The following ZNRF4 variants were observed in gnomAD, a reference collection of about 807,000 sequenced individuals.
ZNRF4 encodes E3 ubiquitin-protein ligase ZNRF4.
For missense variants in ZNRF4, 569 were observed against 609.4 expected (o/e 0.93, Z 0.70); for synonymous variants, 291 against 285.9 (o/e 1.02, Z -0.18).
Position 5,456,287 on chromosome 19 carries a change from G to C in ZNRF4, c.796G>C (p.Val266Leu). 1 of 1,613,684 alleles carries C rather than the reference G, an allele frequency of 6.2e-7. No homozygotes were observed. The highest frequency in any genetic ancestry group is 8.5e-7 in the Non-Finnish European group (1 of 1,180,016). The part of the protein sequence containing the change: ...WVLGCTLALV[V>L]SAFFVLNHLW... The stretch of plus-strand genomic sequence containing the variant: ...GCTGGGCTGTACCCTGGCCCTGGTC[G>C]TATCAGCCTTCTTTGTCCTGAACCA... Residue 266 changes from valine to leucine, a missense_variant, in exon 1 of 1, where the codon GTA (valine) becomes CTA (leucine). Transcript: ENST00000222033.
chr19:5,456,806 C>T lies in ZNRF4; in HGVS notation c.*25C>T. 1 of 1,508,070 alleles carries T rather than the reference C, an allele frequency of 6.6e-7. No homozygotes were observed. The highest frequency in any genetic ancestry group is 8.9e-7 in the Non-Finnish European group (1 of 1,127,300). 93.4% of individuals were successfully genotyped at this position (1,508,070 alleles called of 1,614,324 possible). ...AAGATCTAGGGCAGGGAGGGGGGTG[C>T]AATGAGGAATGTTTCTGGTCTGAAA... On this transcript the variant is annotated 3_prime_UTR_variant, in exon 1 of 1. Transcript: ENST00000222033.
chr19:5,455,948 C>T lies in ZNRF4; in HGVS notation c.457C>T (p.Arg153Cys), dbSNP rs771662701. 6.9e-6 allele frequency: 11 copies of T among 1,600,778 alleles called. No homozygotes were observed. The highest frequency in any genetic ancestry group is 1.7e-4 in the Middle Eastern group (1 of 6,060). Residue 153 changes from arginine to cysteine, a missense_variant, in exon 1 of 1, where the codon CGC (arginine) becomes TGC (cysteine). Transcript: ENST00000222033. ...HPIEAPRLGN[R>C]SLGAIVLIRR... The stretch of plus-strand genomic sequence containing the variant: ...CATCGAGGCCCCGCGACTGGGCAAC[C>T]GCTCTCTGGGCGCCATCGTGCTGAT...
rs764433938 is a variant in ZNRF4, at chr19:5,456,094, G to C, written c.603G>C (p.Glu201Asp). ...DDLVSMTHVY[E>D]DLRGQIAIPS... is the part of the protein sequence containing the mutation. ...TCGTGAGCATGACCCACGTCTACGA[G>C]GACTTGAGGGGCCAGATCGCCATCC... The change falls in exon 1 of 1, where the codon GAG (glutamate) becomes GAC (aspartate). Residue 201 changes from glutamate (E) to aspartate (D), a missense_variant. Physicochemically the swap from Glu to Asp is conservative, Grantham distance 45. Coordinates refer to ENST00000222033, the MANE Select transcript of ZNRF4 (RefSeq NM_181710.4). 2 of 1,606,506 alleles carry C rather than the reference G, an allele frequency of 1.2e-6. No homozygotes were observed. Among genetic ancestry groups the C allele is most frequent in the Non-Finnish European group, 1.7e-6 (2 of 1,179,884 alleles).
Position 5,455,797 on chromosome 19 carries a change from C to T in ZNRF4, c.306C>T (p.Ala102=), listed in dbSNP as rs751309761. 12 of 1,603,902 alleles carry T rather than the reference C, an allele frequency of 7.5e-6. No individual in the cohort carries two copies. Among genetic ancestry groups the T allele is most frequent in the African/African-American group, 5.3e-5 (4 of 74,940 alleles). Residue 102 remains alanine (A), a synonymous_variant, in exon 1 of 1, where the codon GCC becomes GCT. Transcript: ENST00000222033. ...TGCCCGCGCAGGCAGTGGTACGGGC[C>T]GTGCTGGAAGACAACTCGAGCTCGG... ...LQVPAQAVVR[A]VLEDNSSSVD...
Position 5,455,448 on chromosome 19 carries a change from C to A in ZNRF4, c.-44C>A, listed in dbSNP as rs764878991. On this transcript the variant is annotated 5_prime_UTR_variant, in exon 1 of 1. Coordinates refer to ENST00000222033, the MANE Select transcript of ZNRF4 (RefSeq NM_181710.4). ...TCCATGTCATCTGCCAGAAAGGCCA[C>A]CTGCGCCAGCACCTCCTGAGACCGG... is the stretch of plus-strand genomic sequence containing the variant. The A allele has an allele frequency of 6.5e-7, 1 of 1,541,746 alleles. No individual in the cohort carries two copies. Among genetic ancestry groups the A allele is most frequent in the African/African-American group, 1.4e-5 (1 of 73,298 alleles).
In ZNRF4 at chr19:5,456,532, C is replaced by T; in HGVS notation, c.1041C>T (p.Ser347=). 1 of 1,614,184 alleles carries T rather than the reference C, an allele frequency of 6.2e-7. No individual in the cohort carries two copies. Among genetic ancestry groups the T allele is most frequent in the Non-Finnish European group, 8.5e-7 (1 of 1,180,042 alleles). The change falls in exon 1 of 1, where the codon TCC becomes TCT. Residue 347 remains serine, a synonymous_variant. Coordinates refer to ENST00000222033, the MANE Select transcript of ZNRF4 (RefSeq NM_181710.4). The part of the protein sequence containing the change: ...DPWFSQAPRR[S]CPVCKQSVAA... ...GGTTCTCCCAAGCCCCCCGGCGCTCCTGCCCCGTGTGCAAACAGTCGGTGG... is the reference window on the plus strand; with the variant it reads ...GGTTCTCCCAAGCCCCCCGGCGCTCTTGCCCCGTGTGCAAACAGTCGGTGG...
chr19:5,455,583 C>T lies in ZNRF4; in HGVS notation c.92C>T (p.Thr31Ile). Residue 31 changes from threonine to isoleucine, a missense_variant, in exon 1 of 1, where the codon ACT (threonine) becomes ATT (isoleucine). Physicochemically the swap from Thr to Ile is moderately conservative, Grantham distance 89. Transcript: ENST00000222033. ...CCTCTGAGCCACGCGGTCATTCCAA[C>T]TCAACTGCCCTCGCGTCCTGGCCAC... ...SLPLSHAVIP[T>I]QLPSRPGHRP... 2 of 1,612,388 alleles carry T rather than the reference C, an allele frequency of 1.2e-6. No homozygotes were observed. Among genetic ancestry groups the T allele is most frequent in the African/African-American group, 1.3e-5 (1 of 75,070 alleles).
In ZNRF4 at chr19:5,456,271, T is replaced by G. The variant is rs982745518; in HGVS notation, c.780T>G (p.Cys260Trp). 6.2e-7 allele frequency: 1 copy of G among 1,613,426 alleles called. No individual in the cohort carries two copies. The highest frequency in any genetic ancestry group is 8.5e-7 in the Non-Finnish European group (1 of 1,180,032). ...TGACCGTGTCCTGGGTGCTGGGCTG[T>G]ACCCTGGCCCTGGTCGTATCAGCCT... Reference protein sequence around the residue: ...PVLTVSWVLGCTLALVVSAFF... With the variant: ...PVLTVSWVLGWTLALVVSAFF... The change falls in exon 1 of 1, where the codon TGT becomes TGG. Residue 260 changes from cysteine to tryptophan, a missense_variant. Coordinates refer to ENST00000222033, the MANE Select transcript of ZNRF4 (RefSeq NM_181710.4).
chr19:5,456,605 G>C lies in ZNRF4; in HGVS notation c.1114G>C (p.Glu372Gln). 1 of 1,613,424 alleles carries C rather than the reference G, an allele frequency of 6.2e-7. No homozygotes were observed. Among genetic ancestry groups the C allele is most frequent in the South Asian group, 1.1e-5 (1 of 91,054 alleles). ...CTCCACCACCTACAGCTTCAGGGACGAGGACCCCTCCCTACCGGGCCACCG... is the reference window on the plus strand; with the variant it reads ...CTCCACCACCTACAGCTTCAGGGACCAGGACCCCTCCCTACCGGGCCACCG... ...FDSTTYSFRD[E>Q]DPSLPGHRPP... is the part of the protein sequence containing the mutation. Residue 372 changes from glutamate (E) to glutamine (Q), a missense_variant, in exon 1 of 1, where the codon GAG (glutamate) becomes CAG (glutamine). Physicochemically the swap from Glu to Gln is conservative, Grantham distance 29. Transcript: ENST00000222033.
In ZNRF4 at chr19:5,456,211, C is replaced by T; in HGVS notation, c.720C>T (p.Asp240=). The change falls in exon 1 of 1, where the codon GAC becomes GAT. Residue 240 remains aspartate (D), a synonymous_variant. Transcript: ENST00000222033. ...KSAHALLLPD[D]PPCHDLGCHP... ...CCCACGCGCTGCTCCTGCCCGACGACCCACCGTGCCACGACCTGGGCTGTC... is the reference window on the plus strand; with the variant it reads ...CCCACGCGCTGCTCCTGCCCGACGATCCACCGTGCCACGACCTGGGCTGTC... 6.2e-7 allele frequency: 1 copy of T among 1,610,928 alleles called. No individual in the cohort carries two copies.
At position 5,455,953 on chromosome 19, in the gene ZNRF4, T is replaced by C. The variant is rs1356806265; in HGVS notation, c.462T>C (p.Ser154=). ...PIEAPRLGNR[S]LGAIVLIRRY... The stretch of plus-strand genomic sequence containing the variant: ...AGGCCCCGCGACTGGGCAACCGCTC[T>C]CTGGGCGCCATCGTGCTGATCCGCC... The change falls in exon 1 of 1, where the codon TCT becomes TCC. Residue 154 remains serine (S), a synonymous_variant. Coordinates refer to ENST00000222033, the MANE Select transcript of ZNRF4 (RefSeq NM_181710.4). The C allele has an allele frequency of 2.5e-6, 4 of 1,600,802 alleles. No individual in the cohort carries two copies. The highest frequency in any genetic ancestry group is 1.1e-5 in the South Asian group (1 of 91,060).
rs1217695847 is a variant in ZNRF4 at position 5,456,305 on chromosome 19, C to G, written c.814C>G (p.Leu272Val). Residue 272 changes from leucine (L) to valine (V), a missense_variant, in exon 1 of 1, where the codon CTG (leucine) becomes GTG (valine). By Grantham distance (32) the Leu-to-Val change is conservative (BLOSUM62 1). Transcript: ENST00000222033. The part of the protein sequence containing the change: ...LALVVSAFFV[L>V]NHLWLWAQAC... Reference sequence around the variant, plus strand: ...CCTGGTCGTATCAGCCTTCTTTGTCCTGAACCACCTGTGGCTCTGGGCCCA... The same window carrying G: ...CCTGGTCGTATCAGCCTTCTTTGTCGTGAACCACCTGTGGCTCTGGGCCCA... The G allele has an allele frequency of 6.2e-7, 1 of 1,613,848 alleles. No individual in the cohort carries two copies. The highest frequency in any genetic ancestry group is 1.1e-5 in the South Asian group (1 of 91,088).
rs1449926530 is a variant in ZNRF4, at chr19:5,455,770, G to A, written c.279G>A (p.Gln93=). Residue 93 remains glutamine, a synonymous_variant, in exon 1 of 1, where the codon CAG becomes CAA. Coordinates refer to ENST00000222033, the MANE Select transcript of ZNRF4 (RefSeq NM_181710.4). ...VKALLVLSLL[Q]VPAQAVVRAV... ...CCTTGCTGGTCTTGTCGCTGCTCCA[G>A]GTGCCCGCGCAGGCAGTGGTACGGG... 5 of 1,604,436 alleles carry A rather than the reference G, an allele frequency of 3.1e-6. No homozygotes were observed. In the East Asian group the frequency reaches 1.1e-4, roughly 36 times the overall value.
At position 5,456,366 on chromosome 19, in the gene ZNRF4, C is replaced by G; in HGVS notation, c.875C>G (p.Ser292Cys). 1 of 1,613,500 alleles carries G rather than the reference C, an allele frequency of 6.2e-7. No individual in the cohort carries two copies. The highest frequency in any genetic ancestry group is 1.3e-5 in the African/African-American group (1 of 75,062). Reference protein sequence around the residue: ...CCSHRRPVKTSTCQKAQVRTF... With the variant: ...CCSHRRPVKTCTCQKAQVRTF... ...AGCCACAGACGGCCGGTGAAGACGT[C>G]TACCTGCCAGAAGGCCCAGGTCCGC... is the stretch of plus-strand genomic sequence containing the variant. Residue 292 changes from serine (S) to cysteine (C), a missense_variant, in exon 1 of 1, where the codon TCT (serine) becomes TGT (cysteine). By Grantham distance (112) the Ser-to-Cys change is moderately radical. Coordinates refer to ENST00000222033, the MANE Select transcript of ZNRF4 (RefSeq NM_181710.4).
In ZNRF4 at chr19:5,455,623, A is replaced by C; in HGVS notation, c.132A>C (p.Arg44Ser). Residue 44 changes from arginine (R) to serine (S), a missense_variant, in exon 1 of 1, where the codon AGA (arginine) becomes AGC (serine). Transcript: ENST00000222033. ...GTCCTGGCCACAGGCCCCCTGGGAG[A>C]CCCCGGAGATGCCCAAAGGCCTCAT... ...PSRPGHRPPGRPRRCPKASCL... is the reference protein window; with the variant it reads ...PSRPGHRPPGSPRRCPKASCL... 8 of 1,610,878 alleles carry C rather than the reference A, an allele frequency of 5.0e-6. No homozygotes were observed. The highest frequency in any genetic ancestry group is 6.8e-6 in the Non-Finnish European group (8 of 1,179,966).
At position 5,455,612 on chromosome 19, in the gene ZNRF4, C is replaced by T. The variant is rs374327743; in HGVS notation, c.121C>T (p.Pro41Ser). ...ACTGCCCTCGCGTCCTGGCCACAGG[C>T]CCCCTGGGAGACCCCGGAGATGCCC... Reference protein sequence around the residue: ...TQLPSRPGHRPPGRPRRCPKA... With the variant: ...TQLPSRPGHRSPGRPRRCPKA... Residue 41 changes from proline to serine, a missense_variant, in exon 1 of 1, where the codon CCC becomes TCC. Transcript: ENST00000222033. The T allele has an allele frequency of 1.0e-4, 165 of 1,611,074 alleles. No homozygotes were observed. Among genetic ancestry groups the T allele is most frequent in the Non-Finnish European group, 1.3e-4 (157 of 1,179,896 alleles).
chr19:5,455,864 G>T lies in ZNRF4; in HGVS notation c.373G>T (p.Ala125Ser). ...GCCGGCGCTGTTCGGCGTCCCCCTG[G>T]CCCCCGAGGGCATACGGGGCTACCT... ...DLPALFGVPLAPEGIRGYLME... is the reference protein window; with the variant it reads ...DLPALFGVPLSPEGIRGYLME... Residue 125 changes from alanine (A) to serine (S), a missense_variant, in exon 1 of 1, where the codon GCC becomes TCC. Physicochemically the swap from Ala to Ser is moderately conservative, Grantham distance 99. Transcript: ENST00000222033. 1 of 1,603,582 alleles carries T rather than the reference G, an allele frequency of 6.2e-7. No homozygotes were observed.
At position 5,455,769 on chromosome 19, in the gene ZNRF4, AG is replaced by A; in HGVS notation, c.280del (p.Val94CysfsTer40). 1 of 1,604,508 alleles carries A rather than the reference AG, an allele frequency of 6.2e-7. No homozygotes were observed. The highest frequency in any genetic ancestry group is 8.5e-7 in the Non-Finnish European group (1 of 1,179,856). On this transcript the variant is annotated frameshift_variant, in exon 1 of 1. Transcript: ENST00000222033. LOFTEE classifies it low-confidence loss of function (END_TRUNC). ...VKALLVLSLL[Q>X]VPAQAVVRAV... Reference sequence around the variant, plus strand: ...GCCTTGCTGGTCTTGTCGCTGCTCCAGGTGCCCGCGCAGGCAGTGGTACGGG... The same window carrying A: ...GCCTTGCTGGTCTTGTCGCTGCTCCAGTGCCCGCGCAGGCAGTGGTACGGG...
rs929079314 is a variant in ZNRF4, at chr19:5,455,513, C to T, written c.22C>T (p.His8Tyr). 1 of 1,610,700 alleles carries T rather than the reference C, an allele frequency of 6.2e-7. No homozygotes were observed. Among genetic ancestry groups the T allele is most frequent in the Non-Finnish European group, 8.5e-7 (1 of 1,178,862 alleles). The change falls in exon 1 of 1, where the codon CAC becomes TAC. Residue 8 changes from histidine (H) to tyrosine (Y), a missense_variant. By Grantham distance (83) the His-to-Tyr change is moderately conservative (BLOSUM62 2). Transcript: ENST00000222033. ...ACGCATGCCGCTCTGCCGTCCGGAG[C>T]ACTTAATGCCTAGAGCCAGCAGGGT... MPLCRPE[H>Y]LMPRASRVPV...
Sources: allele counts gnomAD v4.1 joint callset, GRCh38; gene constraint gnomAD v4.1.1; transcripts MANE v1.5; gene names NCBI Gene and HGNC (gene_info 2026-07-23, HGNC 2026-07-21).